NEGR1: variants seen among roughly 807,000 people sequenced by gnomAD.
NEGR1 encodes IgLON family member 4.
In NEGR1, 10 loss-of-function variants were observed where a neutral mutation model predicts 40.9. The observed-to-expected ratio is 0.24, with a 90% CI of 0.15 to 0.42. The LOEUF (loss-of-function observed/expected upper bound fraction) is 0.42. NEGR1 is among the 10% of genes least tolerant of loss of function. The pLI, the probability that NEGR1 is intolerant of heterozygous loss-of-function variation, is 1.00. For synonymous variants in NEGR1, 185 were observed against 166.8 expected (o/e 1.11, Z -0.84); for missense variants, 352 against 438.9 (o/e 0.80, Z 1.77).
chr1:71,866,880 GT>G lies in NEGR1; in HGVS notation c.409+68198del, dbSNP rs537454034. ...ACATCAAAAGCTATGAATTTATTAA[GT>G]TACCTAACCTCTCCAAACTGCAGTT... On this transcript the variant is annotated intron_variant, in intron 2 of 6. Coordinates refer to ENST00000357731, the MANE Select transcript of NEGR1 (RefSeq NM_173808.3). Among the ~76,000 whole-genome samples, 13 of 152,288 alleles carry G rather than the reference GT, an allele frequency of 8.5e-5. No individual in the cohort carries two copies. The South Asian group carries it at 2.7e-3, about 32-fold the overall frequency.
intron 1 of NEGR1, among the ~76,000 whole-genome samples, chr1:71,957,460 AT>A (rs1646128709): frequency 6.6e-6 from 1 of 152,144 alleles, no homozygotes; most frequent in African/African-American, 2.4e-5. Flanking sequence ...TATACTTGGT[AT>A]TTTTATGGAT....
intron 4 of NEGR1, among the ~76,000 whole-genome samples, chr1:71,652,297 C>T (rs1021369237): frequency 6.6e-6 from 1 of 152,144 alleles, no homozygotes; most frequent in Non-Finnish European, 1.5e-5. Flanking sequence ...ATCAATTACT[C>T]AGTCTTTGGT....
chr1:71,614,791 C>G (rs1019533528), intron 4 of NEGR1, among the ~76,000 whole-genome samples: 2 of 152,058 alleles, frequency 1.3e-5, no homozygotes, highest in South Asian at 2.1e-4. Flanking sequence ...CGTAATGAAC[C>G]GAAATCAAAA....
chr1:71,851,979 C>T (rs1659618290), intron 2 of NEGR1, among the ~76,000 whole-genome samples: 1 of 152,048 alleles, frequency 6.6e-6, no homozygotes, highest in Non-Finnish European at 1.5e-5. Flanking sequence ...CATGTGTATT[C>T]AGGAAATAGC....
chr1:72,155,169 C>A (rs575844087), intron 1 of NEGR1, among the ~76,000 whole-genome samples: 2 of 151,974 alleles, frequency 1.3e-5, no homozygotes, highest in African/African-American at 4.8e-5. Flanking sequence ...TTGTTCTAAC[C>A]TTTTCATCAT....
intron 6 of NEGR1, among the ~76,000 whole-genome samples, chr1:71,442,458 A>G (rs1646554597): frequency 6.6e-6 from 1 of 152,004 alleles, no homozygotes; most frequent in African/African-American, 2.4e-5. Flanking sequence ...TACTAAAAAT[A>G]CAAAAATTAG....
At chr1:71,820,597 G>A (rs766022683) in intron 2 of NEGR1, among the ~76,000 whole-genome samples, 20 of 152,022 alleles carry the variant, frequency 1.3e-4, no homozygotes, top group Admixed American at 8.5e-4. Context: ...ATTAAGTTGC[G>A]GTTAGGGTCC....
chr1:72,260,155 G>A (rs1655408229), intron 1 of NEGR1, among the ~76,000 whole-genome samples: 1 of 151,954 alleles, frequency 6.6e-6, no homozygotes, highest in Non-Finnish European at 1.5e-5. Context: ...GAGAGGTAAA[G>A]TTGCCTAAAG....
chr1:71,435,043 A>G lies in NEGR1; in HGVS notation c.941-27473T>C, dbSNP rs563108404. Reference sequence around the variant, plus strand: ...GAGGCAGAGCTTGCAGTGAGCCGAGATTGCGCCAATGCACTCCAGCCTGGG... The same window carrying G: ...GAGGCAGAGCTTGCAGTGAGCCGAGGTTGCGCCAATGCACTCCAGCCTGGG... On this transcript the variant is annotated intron_variant, in intron 6 of 6. Transcript: ENST00000357731. Among the ~76,000 whole-genome samples, 1,088 of 152,002 alleles carry G rather than the reference A, an allele frequency of 7.2e-3. 7 individuals are homozygous for G. Among genetic ancestry groups the G allele is most frequent in the Non-Finnish European group, 0.011 (733 of 68,008 alleles).
chr1:71,490,336 G>A (rs1371710225), intron 6 of NEGR1, among the ~76,000 whole-genome samples: 1 of 151,500 alleles, frequency 6.6e-6, no homozygotes, highest in African/African-American at 2.4e-5. Flanking sequence ...TCTTTACATC[G>A]AGTGCTTATG....
intron 1 of NEGR1, among the ~76,000 whole-genome samples, chr1:72,138,650 T>A (rs1650558920): frequency 6.6e-6 from 1 of 151,974 alleles, no homozygotes; most frequent in African/African-American, 2.4e-5. Context: ...AACTATAAAG[T>A]GGCCAATTAA....
chr1:72,124,752 A>G (rs1649944762), intron 1 of NEGR1, among the ~76,000 whole-genome samples: 1 of 152,050 alleles, frequency 6.6e-6, no homozygotes, highest in Non-Finnish European at 1.5e-5. Context: ...TAGAGTTTGG[A>G]TTTTATAGAA....
chr1:71,995,807 C>T (rs1217679049), intron 1 of NEGR1, among the ~76,000 whole-genome samples: 1 of 152,166 alleles, frequency 6.6e-6, no homozygotes, highest in African/African-American at 2.4e-5. Flanking sequence ...CCAATTACAA[C>T]ACAAACATGA....
intron 1 of NEGR1, among the ~76,000 whole-genome samples, chr1:72,189,384 T>C (rs1474770755): frequency 6.6e-6 from 1 of 151,540 alleles, no homozygotes; most frequent in African/African-American, 2.4e-5. Flanking sequence ...CACAAGAAGC[T>C]AGAAAATTTC....
intron 1 of NEGR1, among the ~76,000 whole-genome samples, chr1:72,084,924 A>G (rs1263959861): frequency 6.6e-6 from 1 of 152,242 alleles, no homozygotes; most frequent in African/African-American, 2.4e-5. Context: ...AAAAGTGAGT[A>G]TTAAATTAAA....
intron 1 of NEGR1, among the ~76,000 whole-genome samples, chr1:72,149,407 T>C (rs777270932): frequency 2.6e-5 from 4 of 152,140 alleles, no homozygotes; most frequent in Non-Finnish European, 4.4e-5. Context: ...AGAATCTGCA[T>C]TGAGATTTCT....
At chr1:71,429,349 A>G (rs1646450354) in intron 6 of NEGR1, among the ~76,000 whole-genome samples, 1 of 152,254 alleles carries the variant, frequency 6.6e-6, no homozygotes, top group African/African-American at 2.4e-5. Context: ...AAAACAAAAA[A>G]AGTCCGAAAG....
rs550077989 is a variant in NEGR1, at chr1:71,854,723, G to GAA, written c.410-78428_410-78427dup. 2.1e-4 allele frequency among the ~76,000 whole-genome samples: 32 copies of GAA among 152,182 alleles called. No homozygotes were observed. In the East Asian group the frequency reaches 5.6e-3, roughly 27 times the overall value. On this transcript the variant is annotated intron_variant, in intron 2 of 6. Transcript: ENST00000357731. ...TTCACAAGGCAGTAGGACAGAGAGA[G>GAA]AATCGGCGCTGAGCAAAGGGGGGAA...
intron 2 of NEGR1, among the ~76,000 whole-genome samples, chr1:71,896,972 C>A (rs1311629444): frequency 6.6e-6 from 1 of 152,058 alleles, no homozygotes; most frequent in Non-Finnish European, 1.5e-5. Flanking sequence ...ATGTAATAAG[C>A]TGGGATTCAA....
Sources: allele counts gnomAD v4.1 joint callset (sites outside exome capture counted in the v4.1 genomes callset), GRCh38; gene constraint gnomAD v4.1.1; transcripts MANE v1.5; gene names NCBI Gene and HGNC (gene_info 2026-07-23, HGNC 2026-07-21).